Variants in TKFC observed in about 807,000 individuals in gnomAD.
TKFC encodes triokinase and FMN cyclase, also known as triokinase/FMN cyclase.
Under a neutral mutation model 61.0 loss-of-function variants are expected in TKFC, and 46 were observed. The observed-to-expected ratio is 0.75, with a 90% confidence interval of 0.60 to 0.96. The LOEUF (loss-of-function observed/expected upper bound fraction) is 0.96. Ranked by LOEUF, TKFC falls within the 50% of genes least tolerant of loss-of-function variation. The probability of loss-of-function intolerance (pLI) is 0.00; values close to 1 mark genes in which losing one functional copy is unlikely to be tolerated. For missense variants in TKFC, 715 were observed against 777.5 expected (o/e 0.92, Z 0.96); for synonymous variants, 314 against 330.1 (o/e 0.95, Z 0.53).
Position 61,341,839 on chromosome 11 carries a change from C to T in TKFC, c.582C>T (p.Ser194=), listed in dbSNP as rs1483399747. Residue 194 remains serine, a synonymous_variant, in exon 7 of 18, where the codon AGC becomes AGT. Transcript: ENST00000394900. ...TTCTCATAGGTACCCTGGGGGTGAG[C>T]TTATCCTCCTGCAGCGTCCCTGGTT... The part of the protein sequence containing the change: ...VAKAMGTLGV[S]LSSCSVPGSK... 1 of 1,613,968 alleles carries T rather than the reference C, an allele frequency of 6.2e-7. No individual in the cohort carries two copies. The highest frequency in any genetic ancestry group is 1.1e-5 in the South Asian group (1 of 91,080).
Position 61,334,692 on chromosome 11 carries a change from A to G in TKFC, c.-37A>G. 4 of 1,614,002 alleles carry G rather than the reference A, an allele frequency of 2.5e-6. No homozygotes were observed. Among genetic ancestry groups the G allele is most frequent in the Non-Finnish European group, 3.4e-6 (4 of 1,179,930 alleles). On this transcript the variant is annotated 5_prime_UTR_variant, in exon 2 of 18. Transcript: ENST00000394900. ...GTCCATCCTCCAGCAGCTCAGTGCA[A>G]CGGTGTGAACTCAGCCTGTTTCAGA...
rs1857105996 is a variant in TKFC at position 61,346,005 on chromosome 11, T to G, written c.1575+59T>G. 6.4e-7 allele frequency: 1 copy of G among 1,553,042 alleles called. No homozygotes were observed. The highest frequency in any genetic ancestry group is 1.4e-5 in the African/African-American group (1 of 73,648). ...CAGGCTTCTAGCCAGCAGACTCCTG[T>G]CTCCATGTGACCCTGAGCAAGTTAA... is the stretch of plus-strand genomic sequence containing the variant. On this transcript the variant is annotated intron_variant, in intron 17 of 17. Transcript: ENST00000394900. This position sits in a 1 kb window ranked among gnomAD's most constrained non-coding sequence, Gnocchi z 4.1.
At chr11:61,344,425 G>A in intron 13 of TKFC, 152 bp downstream of exon 13, 1 of 1,146,452 alleles carries the variant, frequency 8.7e-7, no homozygotes, top group South Asian at 1.7e-5. Context: ...ATGCAATGGT[G>A]TGATCTCGGC....
downstream of TKFC, chr11:61,349,606 G>A (rs1201456835): frequency 2.8e-6 from 2 of 702,888 alleles, no homozygotes; most frequent in African/African-American, 1.7e-5. Flanking sequence ...GTAAGTCACA[G>A]GGAAAGGCCG....
In TKFC at chr11:61,334,877, C is replaced by G. The variant is rs1487348464; in HGVS notation, c.3+146C>G. On this transcript the variant is annotated intron_variant, in intron 2 of 17. Transcript: ENST00000394900. ...GGGTGAAGAGAGAGGGTCATCCTCT[C>G]TCCCAGGGTCTGATCCCTGCTTTTC... 6.0e-5 allele frequency: 74 copies of G among 1,240,750 alleles called. 1 individual carries two copies. In the South Asian group the frequency reaches 9.3e-4, roughly 16 times the overall value. The allele number at this position is 1,240,750 out of a possible 1,614,324, so 76.9% of individuals were successfully genotyped here.
Position 61,345,306 on chromosome 11 carries a change from C to T in TKFC, c.1287C>T (p.Ala429=). The T allele has an allele frequency of 6.2e-7, 1 of 1,603,144 alleles. No homozygotes were observed. Among genetic ancestry groups the T allele is most frequent in the Non-Finnish European group, 8.5e-7 (1 of 1,172,902 alleles). The change falls in exon 14 of 18, where the codon GCC becomes GCT. Residue 429 remains alanine, a synonymous_variant. Coordinates refer to ENST00000394900, the MANE Select transcript of TKFC (RefSeq NM_015533.4). Reference sequence around the variant, plus strand: ...AGGGCCCACCCCCTGCCAGCCCTGCCCAGCTGCTCTCCAAGTTGTCTGTCC... The same window carrying T: ...AGGGCCCACCCCCTGCCAGCCCTGCTCAGCTGCTCTCCAAGTTGTCTGTCC... ...LKEGPPPASP[A]QLLSKLSVLL... is the part of the protein sequence containing the mutation.
At chr11:61,339,675 TCTC>T in intron 5 of TKFC, 1 of 545,448 alleles carries the variant, frequency 1.8e-6, no homozygotes, top group South Asian at 2.3e-5. Flanking sequence ...TCCTGGTGCT[TCTC>T]CTCCCAAATG....
chr11:61,347,358 A>G lies in TKFC; in HGVS notation c.*855A>G. 6 of 897,202 alleles carry G rather than the reference A, an allele frequency of 6.7e-6. No individual in the cohort carries two copies. The highest frequency in any genetic ancestry group is 8.0e-6 in the Non-Finnish European group (6 of 749,650). The allele number at this position is 897,202 out of a possible 1,614,324, so 55.6% of individuals were successfully genotyped here. ...GGAGTTCAAGACCAGTCTGGGCAAC[A>G]TGGTAAAACCCTGTCTCTACCAAAA... On this transcript the variant is annotated 3_prime_UTR_variant, in exon 18 of 18. Coordinates refer to ENST00000394900, the MANE Select transcript of TKFC (RefSeq NM_015533.4).
Position 61,345,749 on chromosome 11 carries a change from T to G in TKFC, c.1485+4T>G. On this transcript the variant is annotated splice_donor_region_variant and intron_variant, in intron 16 of 17. Transcript: ENST00000394900. The stretch of plus-strand genomic sequence containing the variant: ...TGCTCCAGGGGACAGGACTATGGTA[T>G]GTACTCAGGCTGTGGCCTCAGACCT... 2 of 1,614,262 alleles carry G rather than the reference T, an allele frequency of 1.2e-6. No homozygotes were observed. The highest frequency in any genetic ancestry group is 1.1e-5 in the South Asian group (1 of 91,084).
Position 61,345,276 on chromosome 11 carries a change from G to A in TKFC, c.1257G>A (p.Leu419=). 6.3e-7 allele frequency: 1 copy of A among 1,579,658 alleles called. No homozygotes were observed. Among genetic ancestry groups the A allele is most frequent in the Non-Finnish European group, 8.6e-7 (1 of 1,160,766 alleles). ...SRAARAIQEW[L]KEGPPPASPA... ...TGCCTGCAGCAATCCAGGAGTGGCT[G>A]AAGGAGGGCCCACCCCCTGCCAGCC... Residue 419 remains leucine, a synonymous_variant, in exon 14 of 18, where the codon CTG becomes CTA. Coordinates refer to ENST00000394900, the MANE Select transcript of TKFC (RefSeq NM_015533.4).
downstream of TKFC, chr11:61,351,645 G>T (rs1452492378): frequency 6.6e-6 from 1 of 152,106 alleles, no homozygotes; most frequent in African/African-American, 2.4e-5. Flanking sequence ...GCCAGGTGCA[G>T]CGGCTCACTC....
rs538175021 is a variant in TKFC, at chr11:61,348,301, G to A, written c.*1798G>A. 1.1e-5 allele frequency: 11 copies of A among 984,666 alleles called. No homozygotes were observed. Among genetic ancestry groups the A allele is most frequent in the South Asian group, 4.7e-5 (1 of 21,238 alleles). 61.0% of individuals were successfully genotyped at this position (984,666 alleles called of 1,614,324 possible). ...ACGTGCCATTAGCTATTAAGGACAC[G>A]CACATAAATGAGCTGCATGTGAATC... On this transcript the variant is annotated 3_prime_UTR_variant, in exon 18 of 18. Coordinates refer to ENST00000394900, the MANE Select transcript of TKFC (RefSeq NM_015533.4).
chr11:61,341,457 G>T lies in TKFC; in HGVS notation c.508G>T (p.Ala170Ser), dbSNP rs780339338. ...IHKVAGALAE[A>S]GVGLEEIAKQ... ...GCAGGTGGCAGGTGCTCTGGCTGAGGCTGGTGTGGGGCTGGAGGAGATCGC... is the reference window on the plus strand; with the variant it reads ...GCAGGTGGCAGGTGCTCTGGCTGAGTCTGGTGTGGGGCTGGAGGAGATCGC... Residue 170 changes from alanine to serine, a missense_variant, in exon 6 of 18, where the codon GCT becomes TCT. Ala to Ser is a moderately conservative substitution (Grantham distance 99). Transcript: ENST00000394900. 2 of 1,554,630 alleles carry T rather than the reference G, an allele frequency of 1.3e-6. No individual in the cohort carries two copies. The highest frequency in any genetic ancestry group is 2.7e-5 in the African/African-American group (2 of 73,356).
chr11:61,346,610 C>T lies in TKFC; in HGVS notation c.*107C>T. ...CCCTCACCTTCCCCCGGCCTGGCCC[C>T]ATTGGCCCACCCTCTAAGTTGAGCA... is the stretch of plus-strand genomic sequence containing the variant. On this transcript the variant is annotated 3_prime_UTR_variant, in exon 18 of 18. Coordinates refer to ENST00000394900, the MANE Select transcript of TKFC (RefSeq NM_015533.4). The surrounding 1 kb of genome is among the most constrained non-coding windows in gnomAD (Gnocchi z 4.1). 1 of 1,494,314 alleles carries T rather than the reference C, an allele frequency of 6.7e-7. No individual in the cohort carries two copies. The highest frequency in any genetic ancestry group is 8.9e-7 in the Non-Finnish European group (1 of 1,127,912). 92.6% of individuals were successfully genotyped at this position (1,494,314 alleles called of 1,614,324 possible).
Position 61,342,632 on chromosome 11 carries a change from A to C in TKFC, c.749A>C (p.Asn250Thr). 1 of 1,613,958 alleles carries C rather than the reference A, an allele frequency of 6.2e-7. No homozygotes were observed. Among genetic ancestry groups the C allele is most frequent in the Non-Finnish European group, 8.5e-7 (1 of 1,180,006 alleles). The change falls in exon 9 of 18, where the codon AAC becomes ACC. Residue 250 changes from asparagine (N) to threonine (T), a missense_variant. Transcript: ENST00000394900. ...CTCGACCACATGACAAACACCACCA[A>C]CGCGTCCCATGTGCCTGTGCAGCCC... ...LMLDHMTNTT[N>T]ASHVPVQPGS...
At position 61,343,958 on chromosome 11, in the gene TKFC, A is replaced by T; in HGVS notation, c.1085A>T (p.Asp362Val). Reference sequence around the variant, plus strand: ...CCTGCCGAGCCCCAGGAGGCCCCTGATTCCACTGCTGCAGGAGGTACCAAC... The same window carrying T: ...CCTGCCGAGCCCCAGGAGGCCCCTGTTTCCACTGCTGCAGGAGGTACCAAC... Reference protein sequence around the residue: ...VAPAEPQEAPDSTAAGGSASK... With the variant: ...VAPAEPQEAPVSTAAGGSASK... The change falls in exon 12 of 18, where the codon GAT (aspartate) becomes GTT (valine). Residue 362 changes from aspartate (D) to valine (V), a missense_variant. Transcript: ENST00000394900. 6.2e-7 allele frequency: 1 copy of T among 1,611,618 alleles called. No individual in the cohort carries two copies. The highest frequency in any genetic ancestry group is 8.5e-7 in the Non-Finnish European group (1 of 1,179,972).
Position 61,347,877 on chromosome 11 carries a change from T to C in TKFC, c.*1374T>C. On this transcript the variant is annotated 3_prime_UTR_variant, in exon 18 of 18. Transcript: ENST00000394900. ...AGATGGGCCATAAAGCCCAGCACAG[T>C]CCAAGTGCTCACTCACTGAGAGTTA... The C allele has an allele frequency of 3.0e-6, 3 of 985,052 alleles. No homozygotes were observed. The highest frequency in any genetic ancestry group is 9.4e-5 in the South Asian group (2 of 21,284). The allele number at this position is 985,052 out of a possible 1,614,324, so 61.0% of individuals were successfully genotyped here.
downstream of TKFC, chr11:61,350,098 C>CA (rs1031208900): frequency 1.8e-6 from 1 of 559,118 alleles, no homozygotes; most frequent in Admixed American, 3.1e-5. Flanking sequence ...CCAAGGAAAG[C>CA]AGACAGGCAG....
chr11:61,347,297 T>A lies in TKFC; in HGVS notation c.*794T>A. The A allele has an allele frequency of 1.0e-6, 1 of 982,710 alleles. No individual in the cohort carries two copies. Among genetic ancestry groups the A allele is most frequent in the Non-Finnish European group, 1.2e-6 (1 of 827,508 alleles). 60.9% of individuals were successfully genotyped at this position (982,710 alleles called of 1,614,324 possible). ...TGGCTCACACCTGCAATCCCAGCACTTTGGGAGGCCAAGGCAGGCGGATCC... is the reference window on the plus strand; with the variant it reads ...TGGCTCACACCTGCAATCCCAGCACATTGGGAGGCCAAGGCAGGCGGATCC... On this transcript the variant is annotated 3_prime_UTR_variant, in exon 18 of 18. Coordinates refer to ENST00000394900, the MANE Select transcript of TKFC (RefSeq NM_015533.4).
Sources: allele counts gnomAD v4.1 joint callset, GRCh38; gene constraint gnomAD v4.1.1; non-coding constraint Gnocchi (gnomAD v3.1); transcripts MANE v1.5; gene names NCBI Gene and HGNC (gene_info 2026-07-23, HGNC 2026-07-21).